The following LPP variants were observed in gnomAD, a reference collection of about 807,000 sequenced individuals.
LPP encodes the protein lipoma-preferred partner.
In LPP, 38 loss-of-function variants were observed where a neutral mutation model predicts 60.4. The observed-to-expected ratio is 0.63, with a 90% confidence interval of 0.49 to 0.83. The LOEUF is 0.83. LPP is among the 40% of genes least tolerant of loss of function. The probability of loss-of-function intolerance (pLI) is 0.00; values close to 1 mark genes in which losing one functional copy is unlikely to be tolerated. For synonymous variants in LPP, 328 were observed against 290.8 expected, an observed-to-expected ratio of 1.13 and a Z score of -1.30; for missense variants, 902 against 783.6, an observed-to-expected ratio of 1.15 and a Z score of -1.80.
intron 3 of LPP, among the ~76,000 whole-genome samples, chr3:188,392,571 C>T (rs147216515): frequency 2.0e-3 from 309 of 152,150 alleles, no homozygotes; most frequent in African/African-American, 6.3e-3. Flanking sequence ...GTTGTTAAAC[C>T]GTTGTTTTCC....
At chr3:188,597,394 AC>A (rs1005804643) in intron 6 of LPP, among the ~76,000 whole-genome samples, 1 of 151,790 alleles carries the variant, frequency 6.6e-6, no homozygotes, top group Non-Finnish European at 1.5e-5. Context: ...GTGATAAGAA[AC>A]CCCTGAATGA....
In LPP at chr3:188,227,849, T is replaced by C. The variant is rs76913280; in HGVS notation, c.-67+2322T>C. ...TGACTGTATATTTCTGAACCAGTCA[T>C]TGAAGCCAAGAGAATGGGATTATGG... On this transcript the variant is annotated intron_variant, in intron 2 of 11. Coordinates refer to ENST00000617246, the MANE Select transcript of LPP (RefSeq NM_001375462.1). Among the ~76,000 whole-genome samples, 17 of 152,328 alleles carry C rather than the reference T, an allele frequency of 1.1e-4. No homozygotes were observed. The East Asian group carries it at 2.7e-3, about 24-fold the overall frequency.
At chr3:188,770,983 A>G (rs1735765825) in intron 9 of LPP, among the ~76,000 whole-genome samples, 1 of 152,230 alleles carries the variant, frequency 6.6e-6, no homozygotes, top group Admixed American at 6.5e-5. Context: ...CCATGCAGGC[A>G]ATGACTGTTA....
intron 6 of LPP, among the ~76,000 whole-genome samples, chr3:188,529,004 C>T (rs1821432488): frequency 6.6e-6 from 1 of 152,110 alleles, no homozygotes; most frequent in South Asian, 2.1e-4. Context: ...TTTCGATGTG[C>T]CTGTTCCATT....
At chr3:188,231,944 C>A (rs1047322788) in intron 2 of LPP, among the ~76,000 whole-genome samples, 8 of 152,112 alleles carry the variant, frequency 5.3e-5, no homozygotes, top group African/African-American at 1.9e-4. Context: ...TGTATCTCTG[C>A]AGTTATGAAT....
At chr3:188,692,181 C>G (rs535110519) in intron 7 of LPP, among the ~76,000 whole-genome samples, 2 of 152,316 alleles carry the variant, frequency 1.3e-5, no homozygotes, top group African/African-American at 4.8e-5. Context: ...TCTTCAGCCT[C>G]TATAGAGCCT....
At chr3:188,252,475 G>A (rs1042297961) in intron 2 of LPP, among the ~76,000 whole-genome samples, 1 of 150,640 alleles carries the variant, frequency 6.6e-6, no homozygotes, top group Non-Finnish European at 1.5e-5. Flanking sequence ...ATATATTTTT[G>A]GGATATATTC....
At chr3:188,240,342 AGTGT>A (rs75173733) in intron 2 of LPP, among the ~76,000 whole-genome samples, 6,109 of 143,622 alleles carry the variant, frequency 0.043, 158 homozygotes, top group Non-Finnish European at 0.062. Flanking sequence ...TTTGGGTAAG[AGTGT>A]GTGTGTGTGT....
chr3:188,736,104 A>G (rs1577266140), intron 8 of LPP, among the ~76,000 whole-genome samples: 1 of 152,328 alleles, frequency 6.6e-6, no homozygotes, highest in East Asian at 1.9e-4. Flanking sequence ...AGACTGCAAA[A>G]CTTAATGTTT....
intron 4 of LPP, among the ~76,000 whole-genome samples, chr3:188,473,285 T>A (rs1023652212): frequency 3.3e-5 from 5 of 152,184 alleles, no homozygotes; most frequent in Non-Finnish European, 7.4e-5. Flanking sequence ...ACATAATACT[T>A]CCTTCTAATA....
chr3:188,227,567 G>T (rs1718284029), intron 2 of LPP, among the ~76,000 whole-genome samples: 1 of 152,056 alleles, frequency 6.6e-6, no homozygotes, highest in Non-Finnish European at 1.5e-5. Flanking sequence ...AAGTGAGTGG[G>T]TGATTCTGCA....
At chr3:188,287,503 A>G (rs1744345404) in intron 2 of LPP, among the ~76,000 whole-genome samples, 1 of 152,192 alleles carries the variant, frequency 6.6e-6, no homozygotes, top group Non-Finnish European at 1.5e-5. Context: ...GTGAAGAGAG[A>G]AGCCAGATGG....
At chr3:188,291,833 G>T (rs79320352) in intron 2 of LPP, among the ~76,000 whole-genome samples, 2,238 of 152,152 alleles carry the variant, frequency 0.015, 50 homozygotes, top group African/African-American at 0.051. Context: ...GTTCAGAGAA[G>T]TGAAATAAGT....
At chr3:188,292,962 G>C (rs557076836) in intron 2 of LPP, among the ~76,000 whole-genome samples, 2 of 152,142 alleles carry the variant, frequency 1.3e-5, no homozygotes. Flanking sequence ...TCTATGTACT[G>C]TCTCTACTGT....
intron 2 of LPP, among the ~76,000 whole-genome samples, chr3:188,306,706 G>A (rs2150206462): frequency 6.6e-6 from 1 of 152,312 alleles, no homozygotes; most frequent in Middle Eastern, 3.4e-3. Context: ...GCTCAAGAGG[G>A]CATCCTCTCT....
intron 7 of LPP, among the ~76,000 whole-genome samples, chr3:188,706,862 T>G (rs1218708556): frequency 6.6e-6 from 1 of 152,212 alleles, no homozygotes; most frequent in Non-Finnish European, 1.5e-5. Context: ...TGCCCATTAC[T>G]CATGGCAGAC....
intron 9 of LPP, among the ~76,000 whole-genome samples, chr3:188,858,881 C>T (rs1009320103): frequency 1.8e-4 from 27 of 151,896 alleles, no homozygotes; most frequent in African/African-American, 5.6e-4. Context: ...CCTGAGCTCA[C>T]GAGTTCAAGA....
At chr3:188,426,248 G>A (rs1433399891) in intron 4 of LPP, among the ~76,000 whole-genome samples, 1 of 152,160 alleles carries the variant, frequency 6.6e-6, no homozygotes, top group East Asian at 1.9e-4. Context: ...CAGTTTCCAT[G>A]CAGTTGTTCG....
At chr3:188,203,459 A>T (rs1731834445) in intron 1 of LPP, among the ~76,000 whole-genome samples, 1 of 93,352 alleles carries the variant, frequency 1.1e-5, no homozygotes, top group Non-Finnish European at 1.9e-5. Context: ...ATATATATAA[A>T]TATATATATT....
Sources: gnomAD v4.1 joint callset for allele counts (sites outside exome capture counted in the v4.1 genomes callset) on GRCh38, gnomAD v4.1.1 for gene constraint, MANE v1.5 for transcripts, NCBI Gene and HGNC (gene_info 2026-07-23, HGNC 2026-07-21) for gene names.